The following PTPRG variants were observed in gnomAD, a reference collection of about 807,000 sequenced individuals.
The protein encoded by PTPRG is protein tyrosine phosphatase receptor type G, also known as receptor-type tyrosine-protein phosphatase gamma.
Under a neutral mutation model 165.3 loss-of-function variants are expected in PTPRG, and 102 were observed. The ratio of observed to expected loss-of-function variants is 0.62; its 90% confidence interval spans 0.53 to 0.73. The LOEUF is 0.73. PTPRG is among the 30% of genes least tolerant of loss of function. The pLI is 0.00. For synonymous variants in PTPRG, 675 were observed against 669.5 expected (o/e 1.01, Z -0.13); for missense variants, 1,866 against 1,861.4 (o/e 1.00, Z -0.05).
At chr3:62,100,441 C>A (rs1397391125) in intron 5 of PTPRG, among the ~76,000 whole-genome samples, 1 of 152,140 alleles carries the variant, frequency 6.6e-6, no homozygotes, top group Middle Eastern at 3.4e-3. Context: ...GAAAACCCAC[C>A]CCTACGCTGT....
intron 2 of PTPRG, among the ~76,000 whole-genome samples, chr3:61,932,945 AC>A (rs1025416075): frequency 6.6e-6 from 1 of 151,836 alleles, no homozygotes; most frequent in Admixed American, 6.6e-5. Context: ...AATGAATGAA[AC>A]CCCCCACTTG....
intron 9 of PTPRG, among the ~76,000 whole-genome samples, chr3:62,194,672 G>A (rs530782097): frequency 5.5e-4 from 84 of 152,034 alleles, no homozygotes; most frequent in Middle Eastern, 3.4e-3. Flanking sequence ...GCTTGGTGGC[G>A]GCCTCCTGTA....
At chr3:61,780,312 T>C (rs1451179426) in intron 2 of PTPRG, among the ~76,000 whole-genome samples, 1 of 152,146 alleles carries the variant, frequency 6.6e-6, no homozygotes, top group East Asian at 1.9e-4. Flanking sequence ...ACCAGAAACT[T>C]GAGTGGGGGG....
chr3:62,287,972 C>A lies in PTPRG; in HGVS notation c.4056-4449C>A, dbSNP rs114492030. ...CCACCAGTGAAATAACATCCCAAAT[C>A]CTTATAACTAGAAACAACTAGAAAC... On this transcript the variant is annotated intron_variant, in intron 28 of 29. Coordinates refer to ENST00000474889, the MANE Select transcript of PTPRG (RefSeq NM_002841.4). 2.0e-3 allele frequency among the ~76,000 whole-genome samples: 305 copies of A among 152,110 alleles called. 1 individual carries two copies. The highest frequency in any genetic ancestry group is 6.9e-3 in the African/African-American group (287 of 41,490).
At chr3:61,804,597 T>G (rs911999708) in intron 2 of PTPRG, among the ~76,000 whole-genome samples, 6 of 152,136 alleles carry the variant, frequency 3.9e-5, no homozygotes, top group African/African-American at 7.2e-5. Flanking sequence ...AAAGTGCTGA[T>G]TGTTAACTTC....
At chr3:61,928,443 C>T (rs1040657426) in intron 2 of PTPRG, among the ~76,000 whole-genome samples, 35 of 152,112 alleles carry the variant, frequency 2.3e-4, no homozygotes, top group African/African-American at 7.7e-4. Context: ...CTACTTTCTA[C>T]TTGAAAAATG....
At chr3:61,562,446 G>A in intron 1 of PTPRG, 74 bp downstream of exon 1, 3 of 1,463,700 alleles carry the variant, frequency 2.0e-6, no homozygotes, top group East Asian at 2.3e-5. Context: ...GCCTGGGCGC[G>A]GAGCTCCGGC....
chr3:61,700,620 G>A (rs1271068939), intron 1 of PTPRG, among the ~76,000 whole-genome samples: 1 of 152,160 alleles, frequency 6.6e-6, no homozygotes, highest in African/African-American at 2.4e-5. Flanking sequence ...TTTGGAAGAT[G>A]GTGAAGTGAA....
At chr3:62,038,698 G>T (rs982689460) in intron 4 of PTPRG, among the ~76,000 whole-genome samples, 3 of 152,150 alleles carry the variant, frequency 2.0e-5, no homozygotes, top group African/African-American at 7.2e-5. Context: ...GCCCGGCCAT[G>T]CTTTGTTTCT....
chr3:62,002,367 C>A (rs1304036269), intron 3 of PTPRG, among the ~76,000 whole-genome samples: 3 of 151,984 alleles, frequency 2.0e-5, no homozygotes, highest in Non-Finnish European at 4.4e-5. Flanking sequence ...ACAAACCATT[C>A]GGTATATTGT....
At chr3:61,999,630 G>A (rs991115916) in intron 3 of PTPRG, among the ~76,000 whole-genome samples, 59 of 151,912 alleles carry the variant, frequency 3.9e-4, no homozygotes, top group African/African-American at 1.4e-3. Context: ...TATTATTTTT[G>A]TAGTACCGTT....
At chr3:62,124,214 A>G (rs937808965) in intron 5 of PTPRG, 6 of 973,740 alleles carry the variant, frequency 6.2e-6, no homozygotes, top group Non-Finnish European at 1.0e-5. Context: ...TCAGCCACAC[A>G]GTGCTTTCCT....
intron 5 of PTPRG, among the ~76,000 whole-genome samples, chr3:62,106,691 T>G (rs1702485177): frequency 1.3e-5 from 2 of 152,122 alleles, no homozygotes; most frequent in South Asian, 4.1e-4. Context: ...TTTGTAGAGA[T>G]GGGGTTTCAC....
At chr3:61,741,008 TAC>T (rs2032960265) in intron 1 of PTPRG, among the ~76,000 whole-genome samples, 2 of 152,336 alleles carry the variant, frequency 1.3e-5, no homozygotes, top group South Asian at 4.1e-4. Flanking sequence ...TTGATTGAAA[TAC>T]AGGCACAAAG....
intron 2 of PTPRG, among the ~76,000 whole-genome samples, chr3:61,936,288 G>A (rs551742194): frequency 4.3e-4 from 65 of 152,316 alleles, no homozygotes; most frequent in Admixed American, 9.8e-4. Flanking sequence ...TGTGGGACAG[G>A]TACTAGTTCT....
Position 61,561,775 on chromosome 3 carries a change from CCCCTT to C in PTPRG, c.-509_-505del, listed in dbSNP as rs1216739480. ...TCTCCGCTCCCCCTGCCTCTCCCCT[CCCCTT>C]CCCCTCTCGCAAACATGCCTCCTTC... On this transcript the variant is annotated 5_prime_UTR_variant, in exon 1 of 30. It introduces an in-frame stop codon into an upstream open reading frame of the 5' UTR. Coordinates refer to ENST00000474889, the MANE Select transcript of PTPRG (RefSeq NM_002841.4). 6.6e-6 allele frequency: 1 copy of C among 152,586 alleles called. No homozygotes were observed. Among genetic ancestry groups the C allele is most frequent in the African/African-American group, 2.4e-5 (1 of 41,422 alleles). The allele number at this position is 152,586 out of a possible 1,614,324, so 9.5% of individuals were successfully genotyped here. A position where few individuals can be genotyped will look rare whatever the true frequency, so the allele number is the denominator to read the frequency against.
intron 15 of PTPRG, among the ~76,000 whole-genome samples, chr3:62,250,052 T>C (rs985758948): frequency 6.6e-6 from 1 of 152,192 alleles, no homozygotes; most frequent in African/African-American, 2.4e-5. Context: ...AGATATGAAA[T>C]GTTTACTAAA....
At chr3:61,968,481 G>A (rs1250708323) in intron 2 of PTPRG, among the ~76,000 whole-genome samples, 2 of 152,098 alleles carry the variant, frequency 1.3e-5, no homozygotes, top group Non-Finnish European at 2.9e-5. Context: ...AGACTCATTG[G>A]GCTTAAGTGT....
intron 3 of PTPRG, among the ~76,000 whole-genome samples, chr3:61,995,084 CTTTTTTTTTTTT>C (rs761499179): frequency 1.1e-4 from 4 of 35,396 alleles, no homozygotes; most frequent in East Asian, 4.9e-4. Flanking sequence ...TTCTTTCTTT[CTTTTTTTTTTTT>C]TTTTTTTTTT....
Sources: gnomAD v4.1 joint callset for allele counts (sites outside exome capture counted in the v4.1 genomes callset) on GRCh38, gnomAD v4.1.1 for gene constraint, MANE v1.5 for transcripts, NCBI Gene and HGNC (gene_info 2026-07-23, HGNC 2026-07-21) for gene names.